The following MROH1 variants were observed in gnomAD, a reference collection of about 807,000 sequenced individuals.
The protein encoded by MROH1 is maestro heat like repeat family member 1, also known as maestro heat-like repeat-containing protein family member 1.
MROH1 carries 117 observed loss-of-function variants against 116.5 expected under a neutral mutation model. The ratio of observed to expected loss-of-function variants is 1.00; its 90% CI spans 0.86 to 1.17. The LOEUF (loss-of-function observed/expected upper bound fraction) is 1.17. Ranked by LOEUF, MROH1 falls within the 50% of genes most tolerant of loss-of-function variation. MROH1 has a pLI of 0.00. For synonymous variants in MROH1, 921 were observed against 583.9 expected, an observed-to-expected ratio of 1.58 and a Z score of -8.32; for missense variants, 1,873 against 1,338.5, an observed-to-expected ratio of 1.40 and a Z score of -6.23.
chr8:144,217,847 T>G (rs1051538028), intron 12 of MROH1, among the ~76,000 whole-genome samples: 1 of 152,200 alleles, frequency 6.6e-6, no homozygotes, highest in African/African-American at 2.4e-5. Flanking sequence ...CAGTAGGGCA[T>G]TGTCAGGATC....
intron 7 of MROH1, among the ~76,000 whole-genome samples, chr8:144,185,332 G>A (rs565982817): frequency 6.6e-6 from 1 of 152,200 alleles, no homozygotes; most frequent in African/African-American, 2.4e-5. Context: ...CCTGAGCAAG[G>A]CAGAAAACAC....
At chr8:144,235,300 A>G (rs1329367992) in intron 14 of MROH1, among the ~76,000 whole-genome samples, 1 of 152,210 alleles carries the variant, frequency 6.6e-6, no homozygotes, top group Non-Finnish European at 1.5e-5. Context: ...GGATTGTGTC[A>G]TCTACAACTA....
chr8:144,206,563 C>T (rs866317332), intron 12 of MROH1, among the ~76,000 whole-genome samples: 3 of 151,584 alleles, frequency 2.0e-5, no homozygotes, highest in South Asian at 2.1e-4. Flanking sequence ...GCTGGGATTA[C>T]AGGCGAACAC....
Position 144,240,605 on chromosome 8 carries a change from C to A in MROH1, c.1863C>A (p.Asn621Lys). 1.4e-6 allele frequency: 1 copy of A among 717,588 alleles called. No individual in the cohort carries two copies. 44.5% of individuals were successfully genotyped at this position (717,588 alleles called of 1,614,324 possible). A position where few individuals can be genotyped will look rare whatever the true frequency, so the allele number is the denominator to read the frequency against. ...ACACCCTGGCCATCATTTCTGACAA[C>A]GCGTGGATCTGCCAGCTGAGCCTGG... ...LRDTLAIISD[N>K]AWICQLSLEL... Residue 621 changes from asparagine (N) to lysine (K), a missense_variant, in exon 20 of 44, where the codon AAC becomes AAA. Coordinates refer to ENST00000326134, the MANE Select transcript of MROH1 (RefSeq NM_032450.3).
intron 29 of MROH1, among the ~76,000 whole-genome samples, chr8:144,245,581 G>A (rs931069114): frequency 6.6e-6 from 1 of 152,210 alleles, no homozygotes. Context: ...GTTTTAATGA[G>A]AACTTTTATC....
chr8:144,196,543 G>A (rs1377515395), intron 10 of MROH1, among the ~76,000 whole-genome samples: 1 of 151,304 alleles, frequency 6.6e-6, no homozygotes, highest in Non-Finnish European at 1.5e-5. Context: ...TTTTAATAGA[G>A]ACAGGGTTTC....
chr8:144,151,376 C>T (rs1816751483), intron 1 of MROH1, among the ~76,000 whole-genome samples: 1 of 152,038 alleles, frequency 6.6e-6, no homozygotes, highest in Non-Finnish European at 1.5e-5. Flanking sequence ...GGGAACACGC[C>T]AGTGGAAGAA....
chr8:144,165,394 C>T (rs1266670489), intron 3 of MROH1, among the ~76,000 whole-genome samples: 8 of 151,956 alleles, frequency 5.3e-5, no homozygotes, highest in Non-Finnish European at 1.0e-4. Flanking sequence ...GCTGAGATTA[C>T]AGGCGTGAGC....
chr8:144,191,272 G>A (rs1402910735), intron 8 of MROH1, among the ~76,000 whole-genome samples: 1 of 152,158 alleles, frequency 6.6e-6, no homozygotes, highest in Non-Finnish European at 1.5e-5. Context: ...GTTTCGCCAT[G>A]TTGGCCAGGC....
At chr8:144,171,229 T>A (rs1029949994) in intron 4 of MROH1, among the ~76,000 whole-genome samples, 5 of 152,186 alleles carry the variant, frequency 3.3e-5, no homozygotes, top group Non-Finnish European at 7.3e-5. Flanking sequence ...CTGCCATGAA[T>A]CAGGGTTTTC....
chr8:144,198,730 G>A (rs1830464364), intron 10 of MROH1, among the ~76,000 whole-genome samples: 1 of 152,180 alleles, frequency 6.6e-6, no homozygotes, highest in South Asian at 2.1e-4. Context: ...TCATGCCTGG[G>A]GCATGGGAGA....
Position 144,247,677 on chromosome 8 carries a change from C to G in MROH1, c.3118C>G (p.Gln1040Glu). ...CTTCCACACCTGCCACAGTGTAGGC[C>G]AGGTACCAGCTGGGAGCTCTGCGGC... is the stretch of plus-strand genomic sequence containing the variant. The part of the protein sequence containing the change: ...ILFHTCHSVG[Q>E]IIAKRLPPDQ... Residue 1040 changes from glutamine to glutamate, a missense_variant and splice_region_variant, in exon 31 of 44, where the codon CAG (glutamine) becomes GAG (glutamate). Coordinates refer to ENST00000326134, the MANE Select transcript of MROH1 (RefSeq NM_032450.3). 1.3e-6 allele frequency: 1 copy of G among 764,092 alleles called. No homozygotes were observed. Among genetic ancestry groups the G allele is most frequent in the Non-Finnish European group, 2.4e-6 (1 of 415,914 alleles). The allele number at this position is 764,092 out of a possible 1,614,324, so 47.3% of individuals were successfully genotyped here.
Position 144,199,200 on chromosome 8 carries a change from G to A in MROH1, c.1027G>A (p.Ala343Thr), listed in dbSNP as rs903156217. 1.2e-6 allele frequency: 2 copies of A among 1,612,310 alleles called. No homozygotes were observed. The highest frequency in any genetic ancestry group is 1.7e-5 in the Admixed American group (1 of 59,746). Reference protein sequence around the residue: ...KEVLRCFTVLACSSPDRLLAF... With the variant: ...KEVLRCFTVLTCSSPDRLLAF... ...GGTGCTGCGCTGCTTCACTGTGCTG[G>A]GTGAGTGGTGGGCCCAGCTTTGCCC... Residue 343 changes from alanine to threonine, a missense_variant and splice_region_variant, in exon 11 of 44, where the codon GCC (alanine) becomes ACC (threonine). By Grantham distance (58) the Ala-to-Thr change is moderately conservative (BLOSUM62 0). Transcript: ENST00000326134.
At chr8:144,157,641 T>G (rs1818469977) in intron 1 of MROH1, among the ~76,000 whole-genome samples, 1 of 151,910 alleles carries the variant, frequency 6.6e-6, no homozygotes, top group Non-Finnish European at 1.5e-5. Context: ...TTGTGTCTTT[T>G]AAGGGATTTG....
At chr8:144,205,802 A>G (rs1420071116) in intron 12 of MROH1, among the ~76,000 whole-genome samples, 1 of 152,152 alleles carries the variant, frequency 6.6e-6, no homozygotes, top group African/African-American at 2.4e-5. Context: ...TTATAAATCA[A>G]ATTTTTGAAA....
chr8:144,153,091 T>C (rs1817239712), intron 1 of MROH1, among the ~76,000 whole-genome samples: 1 of 152,200 alleles, frequency 6.6e-6, no homozygotes, highest in Non-Finnish European at 1.5e-5. Flanking sequence ...TTCATAGAAG[T>C]TGGGATTCCA....
chr8:144,183,775 G>A (rs1306913558), intron 7 of MROH1, among the ~76,000 whole-genome samples: 1 of 152,036 alleles, frequency 6.6e-6, no homozygotes, highest in East Asian at 1.9e-4. Flanking sequence ...GCCTCTCCGA[G>A]TAGCTGGGAC....
At chr8:144,156,241 GA>G (rs1218482716) in intron 1 of MROH1, among the ~76,000 whole-genome samples, 6,559 of 58,580 alleles carry the variant, frequency 0.11, 479 homozygotes, top group African/African-American at 0.25. Flanking sequence ...CCGTCTCAAA[GA>G]AAAAAAAAAA....
In MROH1 at chr8:144,220,595, T is replaced by C. The variant is rs1440066345; in HGVS notation, c.1142-5T>C. On this transcript the variant is annotated splice_region_variant and splice_polypyrimidine_tract_variant and intron_variant, in intron 12 of 43. Coordinates refer to ENST00000326134, the MANE Select transcript of MROH1 (RefSeq NM_032450.3). ...AGGCTGAGCTGTCCTGTTTGTTTCT[T>C]GCAGCTGCTCAGATGGAAGATAAAA... 1.3e-6 allele frequency: 2 copies of C among 1,567,774 alleles called. No homozygotes were observed. The highest frequency in any genetic ancestry group is 3.8e-5 in the Admixed American group (2 of 52,936).
Sources: allele counts gnomAD v4.1 joint callset (sites outside exome capture counted in the v4.1 genomes callset), GRCh38; gene constraint gnomAD v4.1.1; transcripts MANE v1.5; gene names NCBI Gene and HGNC (gene_info 2026-07-23, HGNC 2026-07-21).